The following AFF3 variants were observed in gnomAD, a reference collection of about 807,000 sequenced individuals.
AFF3 encodes the protein ALF transcription elongation factor 3, also known as AF4/FMR2 family member 3.
A neutral mutation model predicts 129.7 loss-of-function variants in AFF3; 32 were observed. The observed-to-expected ratio is 0.25, with a 90% CI of 0.19 to 0.33. The LOEUF (loss-of-function observed/expected upper bound fraction) is 0.33. AFF3 is among the 10% of genes least tolerant of loss of function. The probability of loss-of-function intolerance (pLI) is 1.00; values close to 1 mark genes in which losing one functional copy is unlikely to be tolerated. For synonymous variants in AFF3, 644 were observed against 635.4 expected, an observed-to-expected ratio of 1.01 and a Z score of -0.20; for missense variants, 1,373 against 1,592.0, an observed-to-expected ratio of 0.86 and a Z score of 2.34.
At chr2:100,120,838 A>G (rs1020966556) in intron 2 of AFF3, among the ~76,000 whole-genome samples, 1 of 151,790 alleles carries the variant, frequency 6.6e-6, no homozygotes, top group African/African-American at 2.4e-5. Context: ...GAGTCTCCCT[A>G]TGTTGCTCAG....
At chr2:99,997,026 A>T (rs1230934979) in intron 7 of AFF3, among the ~76,000 whole-genome samples, 3 of 151,894 alleles carry the variant, frequency 2.0e-5, no homozygotes, top group Non-Finnish European at 4.4e-5. Context: ...TTCTCATCAG[A>T]CTGACCCCTT....
intron 4 of AFF3, among the ~76,000 whole-genome samples, chr2:100,016,580 G>A (rs1050580473): frequency 2.0e-5 from 3 of 149,540 alleles, no homozygotes; most frequent in Non-Finnish European, 4.4e-5. Context: ...ACATGTTAGT[G>A]ACAGTAGTGA....
At chr2:99,792,139 C>T (rs1685239350) in intron 8 of AFF3, among the ~76,000 whole-genome samples, 1 of 152,128 alleles carries the variant, frequency 6.6e-6, no homozygotes, top group Non-Finnish European at 1.5e-5. Flanking sequence ...TCAGTATTTG[C>T]TAATTCAGTA....
At chr2:99,641,362 GA>G (rs1684174156) in intron 13 of AFF3, among the ~76,000 whole-genome samples, 5 of 152,162 alleles carry the variant, frequency 3.3e-5, no homozygotes, top group Admixed American at 2.6e-4. Context: ...GACTCACTAG[GA>G]TTTTAGGGAG....
chr2:100,008,914 T>C lies in AFF3; in HGVS notation c.72A>G (p.Arg24=). 6.2e-7 allele frequency: 1 copy of C among 1,614,020 alleles called. No individual in the cohort carries two copies. The highest frequency in any genetic ancestry group is 8.5e-7 in the Non-Finnish European group (1 of 1,179,954). The change falls in exon 5 of 25, where the codon AGA becomes AGG. Residue 24 remains arginine, a synonymous_variant. Transcript: ENST00000672756. The part of the protein sequence containing the change: ...LESLCVYEPD[R]NALRRKERER... ...CTCGTTCTTTCCTCCGTAATGCATT[T>C]CTATCTGGTTCATAGACACTGCATC... is the stretch of plus-strand genomic sequence containing the variant.
At chr2:100,066,187 ATAAAT>A (rs1421707871) in intron 4 of AFF3, among the ~76,000 whole-genome samples, 1 of 152,246 alleles carries the variant, frequency 6.6e-6, no homozygotes, top group Non-Finnish European at 1.5e-5. Context: ...TGTTTTACAA[ATAAAT>A]TAAAAAGCCA....
chr2:99,648,917 A>ACACACACACACACTCTCT, intron 13 of AFF3, among the ~76,000 whole-genome samples: 30 of 46,864 alleles, frequency 6.4e-4, no homozygotes, highest in Non-Finnish European at 8.7e-4. Context: ...ACACACACAC[A>ACACACACACACACTCTCT]CTCTCTCTCT....
intron 4 of AFF3, among the ~76,000 whole-genome samples, chr2:100,074,709 G>A (rs974306113): frequency 6.6e-6 from 1 of 152,280 alleles, no homozygotes; most frequent in African/African-American, 2.4e-5. Context: ...AATAGGCAAA[G>A]TGCTTTCAAT....
chr2:100,116,395 T>G (rs759119892), intron 2 of AFF3, among the ~76,000 whole-genome samples: 3 of 152,132 alleles, frequency 2.0e-5, no homozygotes, highest in Non-Finnish European at 2.9e-5. Context: ...CAAGGAGCTA[T>G]TTGTTCTGAT....
At chr2:100,066,570 G>C (rs1687732975) in intron 4 of AFF3, among the ~76,000 whole-genome samples, 1 of 152,102 alleles carries the variant, frequency 6.6e-6, no homozygotes, top group African/African-American at 2.4e-5. Context: ...ACAGCTACTA[G>C]ATGTCAATTA....
intron 12 of AFF3, among the ~76,000 whole-genome samples, chr2:99,665,915 C>CTGAAA (rs749517646): frequency 3.2e-4 from 49 of 152,214 alleles, no homozygotes; most frequent in Admixed American, 9.8e-4. Context: ...AGACAGGGGA[C>CTGAAA]TGAAAAGAGC....
At chr2:100,061,799 A>G (rs1006787828) in intron 4 of AFF3, among the ~76,000 whole-genome samples, 18 of 151,772 alleles carry the variant, frequency 1.2e-4, no homozygotes, top group Non-Finnish European at 1.0e-4. Flanking sequence ...TGAGGGGGAA[A>G]AAAAGAGCTG....
At chr2:100,071,067 A>C (rs1254405457) in intron 4 of AFF3, among the ~76,000 whole-genome samples, 1 of 152,204 alleles carries the variant, frequency 6.6e-6, no homozygotes, top group East Asian at 1.9e-4. Flanking sequence ...TATCCAGCAC[A>C]GTGTAGATAC....
At chr2:99,924,787 T>C (rs541424267) in intron 7 of AFF3, among the ~76,000 whole-genome samples, 1 of 152,312 alleles carries the variant, frequency 6.6e-6, no homozygotes, top group African/African-American at 2.4e-5. Context: ...GCTGCAGATT[T>C]AGGAATTATT....
chr2:99,821,021 C>T (rs959570749), intron 8 of AFF3, among the ~76,000 whole-genome samples: 23 of 151,668 alleles, frequency 1.5e-4, no homozygotes, highest in Non-Finnish European at 2.2e-4. Context: ...TACAGGTGCA[C>T]GCCACCATGC....
chr2:99,849,583 G>A (rs539656339), intron 7 of AFF3, among the ~76,000 whole-genome samples: 13 of 152,156 alleles, frequency 8.5e-5, no homozygotes, highest in South Asian at 8.3e-4. Context: ...ATGAGGCAAC[G>A]CATATAAAGC....
chr2:99,554,599 C>G (rs1195398192), intron 23 of AFF3, 65 bp from the exon 24 acceptor site: 14 of 1,610,654 alleles, frequency 8.7e-6, no homozygotes, highest in Non-Finnish European at 1.1e-5. Context: ...AGGGCAGCCC[C>G]TTGGGGAACA....
intron 11 of AFF3, among the ~76,000 whole-genome samples, chr2:99,722,209 C>A (rs1391295669): frequency 2.0e-5 from 3 of 152,032 alleles, no homozygotes; most frequent in Non-Finnish European, 4.4e-5. Context: ...TAATTCTTGT[C>A]TGAAAATTCT....
intron 1 of AFF3, among the ~76,000 whole-genome samples, chr2:100,138,663 G>T (rs1218954030): frequency 3.3e-5 from 5 of 152,162 alleles, no homozygotes; most frequent in African/African-American, 1.2e-4. Flanking sequence ...ATACCAGTAG[G>T]CCGGGTGCAG....
Sources: allele counts gnomAD v4.1 joint callset (sites outside exome capture counted in the v4.1 genomes callset), GRCh38; gene constraint gnomAD v4.1.1; transcripts MANE v1.5; gene names NCBI Gene and HGNC (gene_info 2026-07-23, HGNC 2026-07-21).